The following GRIN2A variants were observed in gnomAD, a reference collection of about 807,000 sequenced individuals.
GRIN2A encodes the protein glutamate ionotropic receptor NMDA type subunit 2A.
Under a neutral mutation model 113.4 loss-of-function variants are expected in GRIN2A, and 22 were observed. The observed-to-expected ratio is 0.19, with a 90% confidence interval of 0.14 to 0.28. GRIN2A has a LOEUF of 0.28. GRIN2A is among the 10% of genes least tolerant of loss of function. GRIN2A has a pLI of 1.00. For missense variants in GRIN2A, 1,502 were observed against 1,887.0 expected (o/e 0.80, Z 3.78); for synonymous variants, 827 against 738.4 (o/e 1.12, Z -1.94).
At chr16:9,972,468 A>G (rs1487911329) in intron 2 of GRIN2A, among the ~76,000 whole-genome samples, 2 of 152,208 alleles carry the variant, frequency 1.3e-5, no homozygotes, top group Non-Finnish European at 2.9e-5. Flanking sequence ...CAATCCCAAT[A>G]TGATCCAGGT....
rs375862078 is a variant in GRIN2A, at chr16:10,098,933, TCC to T, written c.414+81063_414+81064del. On this transcript the variant is annotated intron_variant, in intron 2 of 12. Transcript: ENST00000330684. Reference sequence around the variant, plus strand: ...GTAACCAAATACCTACTGTCCCCCCTCCCCCCCCCAAAAAAAACCTATGGAAA... The same window carrying T: ...GTAACCAAATACCTACTGTCCCCCCTCCCCCCCAAAAAAAACCTATGGAAA... Among the ~76,000 whole-genome samples, 3 of 106,226 alleles carry T rather than the reference TCC, an allele frequency of 2.8e-5. No individual in the cohort carries two copies. The East Asian group carries it at 1.1e-3, about 38-fold the overall frequency. 69.7% of individuals were successfully genotyped at this position (106,226 alleles called of 152,430 possible).
At chr16:9,933,238 C>T (rs997288272) in intron 3 of GRIN2A, among the ~76,000 whole-genome samples, 1 of 152,128 alleles carries the variant, frequency 6.6e-6, no homozygotes, top group African/African-American at 2.4e-5. Flanking sequence ...GCCTGAAACT[C>T]TATGTACAGA....
chr16:10,084,245 A>C (rs2048041830), intron 2 of GRIN2A, among the ~76,000 whole-genome samples: 1 of 152,202 alleles, frequency 6.6e-6, no homozygotes, highest in Non-Finnish European at 1.5e-5. Flanking sequence ...TAAGAACCAA[A>C]TGTTGTGCCA....
chr16:9,893,054 T>G (rs1332751408), intron 3 of GRIN2A, among the ~76,000 whole-genome samples: 1 of 151,790 alleles, frequency 6.6e-6, no homozygotes, highest in Non-Finnish European at 1.5e-5. Flanking sequence ...CAGAAGCGAC[T>G]GATGGGGGTG....
Position 9,897,551 on chromosome 16 carries a change from A to G in GRIN2A, c.1008-6451T>C, listed in dbSNP as rs1042342130. Among the ~76,000 whole-genome samples, 7 of 152,348 alleles carry G rather than the reference A, an allele frequency of 4.6e-5. No individual in the cohort carries two copies. In the East Asian group the frequency reaches 7.7e-4, roughly 17 times the overall value. On this transcript the variant is annotated intron_variant, in intron 3 of 12. Transcript: ENST00000330684. ...TAGTCTGAATTGAAATGTGCCATCCATGTAAAAATACACACAGAATTTTGA... is the reference window on the plus strand; with the variant it reads ...TAGTCTGAATTGAAATGTGCCATCCGTGTAAAAATACACACAGAATTTTGA...
At position 9,760,316 on chromosome 16, in the gene GRIN2A, T is replaced by A. The variant is rs1900524644; in HGVS notation, c.*2833A>T. ...TTTGCAAAGACTGAACTGACTTAGA[T>A]GACCTTTGAATAACTCTACATCTTT... On this transcript the variant is annotated 3_prime_UTR_variant, in exon 13 of 13. Coordinates refer to ENST00000330684, the MANE Select transcript of GRIN2A (RefSeq NM_001134407.3). 4.5e-6 allele frequency: 1 copy of A among 221,460 alleles called. No individual in the cohort carries two copies. Among genetic ancestry groups the A allele is most frequent in the Non-Finnish European group, 9.0e-6 (1 of 111,062 alleles). 13.7% of individuals were successfully genotyped at this position (221,460 alleles called of 1,614,324 possible). A position where few individuals can be genotyped will look rare whatever the true frequency, so the allele number is the denominator to read the frequency against.
At chr16:9,866,524 C>G (rs911255311) in intron 4 of GRIN2A, among the ~76,000 whole-genome samples, 1 of 152,144 alleles carries the variant, frequency 6.6e-6, no homozygotes, top group African/African-American at 2.4e-5. Context: ...GGGCTACAAT[C>G]CCTTTGTGCA....
At chr16:9,886,417 C>T (rs926383680) in intron 4 of GRIN2A, among the ~76,000 whole-genome samples, 2 of 151,994 alleles carry the variant, frequency 1.3e-5, no homozygotes, top group African/African-American at 4.8e-5. Context: ...ATGAAGGAAC[C>T]CAGTATATAC....
intron 2 of GRIN2A, among the ~76,000 whole-genome samples, chr16:10,163,137 G>A (rs1353333290): frequency 6.6e-6 from 1 of 152,144 alleles, no homozygotes; most frequent in African/African-American, 2.4e-5. Flanking sequence ...GAATTGTTTG[G>A]GAATCTCTTG....
At chr16:9,889,356 C>G (rs2043647863) in intron 4 of GRIN2A, among the ~76,000 whole-genome samples, 2 of 151,878 alleles carry the variant, frequency 1.3e-5, no homozygotes, top group African/African-American at 4.8e-5. Context: ...TGTTTTCTTT[C>G]TTTTGTGTGA....
intron 10 of GRIN2A, among the ~76,000 whole-genome samples, chr16:9,802,211 T>C (rs1325173953): frequency 2.0e-5 from 3 of 152,152 alleles, no homozygotes; most frequent in Non-Finnish European, 4.4e-5. Flanking sequence ...TGTAAATCAT[T>C]CTATTATAAA....
At chr16:9,966,512 C>T (rs1421792072) in intron 2 of GRIN2A, among the ~76,000 whole-genome samples, 1 of 152,198 alleles carries the variant, frequency 6.6e-6, no homozygotes, top group East Asian at 1.9e-4. Flanking sequence ...TCTTGATCCA[C>T]TCTATCACTG....
At chr16:9,899,064 T>G (rs2043864615) in intron 3 of GRIN2A, among the ~76,000 whole-genome samples, 2 of 152,186 alleles carry the variant, frequency 1.3e-5, no homozygotes, top group South Asian at 4.1e-4. Flanking sequence ...GTGCTCAATT[T>G]CATATACAGT....
At chr16:9,974,966 G>T (rs1351052107) in intron 2 of GRIN2A, among the ~76,000 whole-genome samples, 1 of 152,118 alleles carries the variant, frequency 6.6e-6, no homozygotes, top group Admixed American at 6.5e-5. Flanking sequence ...TATGGTGTTT[G>T]TTGTGGGCTT....
intron 2 of GRIN2A, among the ~76,000 whole-genome samples, chr16:10,145,243 A>C (rs1461200348): frequency 2.0e-5 from 3 of 152,176 alleles, no homozygotes; most frequent in Admixed American, 2.0e-4. Context: ...AGTTCTGGAG[A>C]TCTGCTGGAC....
intron 4 of GRIN2A, among the ~76,000 whole-genome samples, chr16:9,859,641 C>CAG (rs1229336404): frequency 3.3e-5 from 5 of 150,686 alleles, no homozygotes; most frequent in African/African-American, 1.2e-4. Flanking sequence ...CACACACACA[C>CAG]ACAGAGAGGA....
chr16:10,145,996 T>TTCAG (rs1314909186), intron 2 of GRIN2A, among the ~76,000 whole-genome samples: 1 of 152,320 alleles, frequency 6.6e-6, no homozygotes, highest in African/African-American at 2.4e-5. Context: ...AATTAATAAA[T>TTCAG]TCTTATGAAT....
chr16:9,916,962 G>A (rs78929179), intron 3 of GRIN2A, among the ~76,000 whole-genome samples: 7,132 of 152,210 alleles, frequency 0.047, 287 homozygotes, highest in African/African-American at 0.11. Flanking sequence ...GTTGCCTAGT[G>A]GTTCATAGCA....
Position 9,938,112 on chromosome 16 carries a change from T to G in GRIN2A, c.854A>C (p.Asp285Ala), listed in dbSNP as rs1016685456. 1 of 1,614,074 alleles carries G rather than the reference T, an allele frequency of 6.2e-7. No individual in the cohort carries two copies. Among genetic ancestry groups the G allele is most frequent in the African/African-American group, 1.3e-5 (1 of 75,042 alleles). Residue 285 changes from aspartate to alanine, a missense_variant, in exon 3 of 13, where the codon GAC becomes GCC. Coordinates refer to ENST00000330684, the MANE Select transcript of GRIN2A (RefSeq NM_001134407.3). ...GLISVSYDDWDYSLEARVRDG... is the reference protein window; with the variant it reads ...GLISVSYDDWAYSLEARVRDG... ...CCTCACTCTCGCCTCCAGGCTGTAG[T>G]CCCAGTCATCGTAGGAGACAGAAAT... is the stretch of plus-strand genomic sequence containing the variant.
Sources: gnomAD v4.1 joint callset for allele counts (sites outside exome capture counted in the v4.1 genomes callset) on GRCh38, gnomAD v4.1.1 for gene constraint, MANE v1.5 for transcripts, NCBI Gene and HGNC (gene_info 2026-07-23, HGNC 2026-07-21) for gene names.